The following CSMD1 variants were observed in gnomAD, a reference collection of about 807,000 sequenced individuals.
CSMD1 encodes the protein CUB and Sushi multiple domains 1.
Under a neutral mutation model 417.5 loss-of-function variants are expected in CSMD1, and 213 were observed. The ratio of observed to expected loss-of-function variants is 0.51; its 90% CI spans 0.46 to 0.57. The LOEUF is 0.57. Ranked by LOEUF, CSMD1 falls within the 20% of genes least tolerant of loss-of-function variation. The pLI is 0.00. For missense variants in CSMD1, 6,923 were observed against 4,529.7 expected (o/e 1.53, Z -15.17); for synonymous variants, 2,862 against 1,736.8 (o/e 1.65, Z -16.11).
At chr8:3,778,175 C>T (rs1314684417) in intron 5 of CSMD1, among the ~76,000 whole-genome samples, 1 of 152,242 alleles carries the variant, frequency 6.6e-6, no homozygotes, top group Non-Finnish European at 1.5e-5. Flanking sequence ...TTAGAGGCGT[C>T]AGCAGGGGGC....
chr8:3,986,894 G>A (rs1287956523), intron 5 of CSMD1, among the ~76,000 whole-genome samples: 3 of 151,822 alleles, frequency 2.0e-5, no homozygotes, highest in Non-Finnish European at 2.9e-5. Flanking sequence ...AGCTGGGATT[G>A]CAGGTGCACG....
At chr8:3,300,191 C>G (rs1019633560) in intron 25 of CSMD1, among the ~76,000 whole-genome samples, 13 of 151,840 alleles carry the variant, frequency 8.6e-5, no homozygotes, top group African/African-American at 2.7e-4. Context: ...TTTATTAACT[C>G]AAAATAAATG....
chr8:4,752,099 G>C (rs2117053537), intron 1 of CSMD1, among the ~76,000 whole-genome samples: 1 of 151,918 alleles, frequency 6.6e-6, no homozygotes, highest in Non-Finnish European at 1.5e-5. Context: ...GTGTGTACAT[G>C]TATCACATAT....
rs764464052 is a variant in CSMD1, at chr8:3,407,885, G to A, written c.2071+14C>T. 1.3e-5 allele frequency: 20 copies of A among 1,590,084 alleles called. No homozygotes were observed. The highest frequency in any genetic ancestry group is 1.7e-5 in the Non-Finnish European group (20 of 1,164,418). ...ATGAGAACTTGGATGTGTTGACTGT[G>A]TGGGCGTACTTACTGGTGTAAGTGA... On this transcript the variant is annotated intron_variant, in intron 14 of 69. Transcript: ENST00000635120.
chr8:4,965,752 T>C (rs892471019), intron 1 of CSMD1, among the ~76,000 whole-genome samples: 3 of 152,116 alleles, frequency 2.0e-5, no homozygotes, highest in African/African-American at 7.2e-5. Flanking sequence ...ATACTAATGA[T>C]TATTTAGGAA....
chr8:3,267,797 G>A (rs13278336), intron 26 of CSMD1, among the ~76,000 whole-genome samples: 83,906 of 151,874 alleles, frequency 0.55, 23,323 homozygotes, highest in Admixed American at 0.61. Context: ...ACCAAGGGGT[G>A]CAGAGGCCGG....
At chr8:4,473,801 G>C (rs370418944) in intron 2 of CSMD1, among the ~76,000 whole-genome samples, 1 of 152,060 alleles carries the variant, frequency 6.6e-6, no homozygotes, top group Non-Finnish European at 1.5e-5. Flanking sequence ...CTTATAAAAT[G>C]ACAGAAAAAT....
chr8:4,800,672 C>T (rs1050352047), intron 1 of CSMD1, among the ~76,000 whole-genome samples: 2 of 152,144 alleles, frequency 1.3e-5, no homozygotes, highest in African/African-American at 4.8e-5. Context: ...CAGAGTTGTC[C>T]AGGTCAGCTA....
chr8:3,799,159 T>A (rs1315335608), intron 5 of CSMD1, among the ~76,000 whole-genome samples: 1 of 152,132 alleles, frequency 6.6e-6, no homozygotes, highest in Non-Finnish European at 1.5e-5. Context: ...AAAAGTTTTA[T>A]AATGTATTTA....
intron 1 of CSMD1, among the ~76,000 whole-genome samples, chr8:4,821,672 C>G (rs986436821): frequency 1.3e-4 from 20 of 152,078 alleles, no homozygotes; most frequent in African/African-American, 4.8e-4. Context: ...AATGATGACT[C>G]TGATTCCTTT....
chr8:3,936,050 A>G (rs1267111936), intron 5 of CSMD1, among the ~76,000 whole-genome samples: 4 of 152,174 alleles, frequency 2.6e-5, no homozygotes, highest in Non-Finnish European at 4.4e-5. Context: ...GAAAGTTTAG[A>G]GTGTCCTGGG....
At chr8:3,062,599 G>C (rs1007403471) in intron 49 of CSMD1, among the ~76,000 whole-genome samples, 2 of 150,496 alleles carry the variant, frequency 1.3e-5, no homozygotes, top group Non-Finnish European at 3.0e-5. Context: ...CAAAATTGAG[G>C]ATAATAGGAT....
At chr8:4,050,899 A>G (rs1181352419) in intron 3 of CSMD1, among the ~76,000 whole-genome samples, 2 of 152,058 alleles carry the variant, frequency 1.3e-5, no homozygotes, top group Admixed American at 6.6e-5. Context: ...AAATAAGCCT[A>G]CCTTTACGTG....
At chr8:3,621,805 C>T (rs925016285) in intron 7 of CSMD1, among the ~76,000 whole-genome samples, 26 of 151,632 alleles carry the variant, frequency 1.7e-4, no homozygotes, top group African/African-American at 6.1e-4. Context: ...AACAGGGTTT[C>T]ACCATATTGC....
intron 10 of CSMD1, among the ~76,000 whole-genome samples, chr8:3,572,051 T>C (rs1371608086): frequency 6.6e-6 from 1 of 152,178 alleles, no homozygotes; most frequent in Non-Finnish European, 1.5e-5. Flanking sequence ...AAATTCCACC[T>C]GTGAGTGGTA....
intron 7 of CSMD1, among the ~76,000 whole-genome samples, chr8:3,625,419 G>C (rs1796444631): frequency 6.6e-6 from 1 of 150,692 alleles, no homozygotes; most frequent in African/African-American, 2.5e-5. Flanking sequence ...AGATTTTTTT[G>C]TCTGGCCCCT....
At position 3,462,133 on chromosome 8, in the gene CSMD1, C is replaced by A. The variant is rs907587997; in HGVS notation, c.1561+6579G>T. On this transcript the variant is annotated intron_variant, in intron 12 of 69. Coordinates refer to ENST00000635120, the MANE Select transcript of CSMD1 (RefSeq NM_033225.6). Reference sequence around the variant, plus strand: ...TCTTCAGAATCCAGGCCCCCCCCCCCACCTCCCAGCTGCTCGGGACCCACA... The same window carrying A: ...TCTTCAGAATCCAGGCCCCCCCCCCAACCTCCCAGCTGCTCGGGACCCACA... 5.7e-4 allele frequency among the ~76,000 whole-genome samples: 84 copies of A among 147,412 alleles called. 1 individual carries two copies. Among genetic ancestry groups the A allele is most frequent in the South Asian group, 3.0e-3 (14 of 4,594 alleles).
chr8:3,307,462 G>C (rs1211083860), intron 25 of CSMD1, among the ~76,000 whole-genome samples: 2 of 152,152 alleles, frequency 1.3e-5, no homozygotes, highest in Non-Finnish European at 2.9e-5. Context: ...TTATGCAGCA[G>C]AAGCTAACTG....
chr8:4,048,169 G>C (rs1343356801), intron 3 of CSMD1, among the ~76,000 whole-genome samples: 18 of 152,088 alleles, frequency 1.2e-4, no homozygotes, highest in Admixed American at 1.1e-3. Flanking sequence ...GTCAGACTTT[G>C]TTTTGGTTGT....
Sources: allele counts gnomAD v4.1 joint callset (sites outside exome capture counted in the v4.1 genomes callset), GRCh38; gene constraint gnomAD v4.1.1; transcripts MANE v1.5; gene names NCBI Gene and HGNC (gene_info 2026-07-23, HGNC 2026-07-21).